GGACT: variants seen among roughly 807,000 people sequenced by gnomAD.
GGACT encodes gamma-glutamylaminecyclotransferase.
For synonymous variants in GGACT, 118 were observed against 115.3 expected (o/e 1.02, Z -0.15); for missense variants, 241 against 233.2 (o/e 1.03, Z -0.22).
At chr13:100,581,047 G>A (rs1211733425) in intron 2 of GGACT, among the ~76,000 whole-genome samples, 5 of 152,330 alleles carry the variant, frequency 3.3e-5, no homozygotes, top group East Asian at 1.9e-4. Flanking sequence ...AGTGATCCAC[G>A]GGGTAAAGGA....
At chr13:100,555,640 C>T (rs966432443) in intron 2 of GGACT, among the ~76,000 whole-genome samples, 6 of 151,130 alleles carry the variant, frequency 4.0e-5, no homozygotes, top group Admixed American at 1.3e-4. Flanking sequence ...AAGACCAGCC[C>T]GGGCAAGAGA....
At chr13:100,561,327 G>A (rs1031736438) in intron 2 of GGACT, among the ~76,000 whole-genome samples, 6 of 152,280 alleles carry the variant, frequency 3.9e-5, no homozygotes, top group Middle Eastern at 3.4e-3. Flanking sequence ...GAACTGTATG[G>A]TATGTGAATT....
chr13:100,543,197 CTTTTTTTTTTTT>C (rs147710327), intron 2 of GGACT, among the ~76,000 whole-genome samples: 98 of 69,900 alleles, frequency 1.4e-3, no homozygotes, highest in African/African-American at 5.3e-3. Flanking sequence ...AAGACACCAG[CTTTTTTTTTTTT>C]TTTTTTTTTT....
At position 100,530,447 on chromosome 13, in the gene GGACT, CCTTT is replaced by C. The variant is rs1366947374; in HGVS notation, c.*1679_*1682del. 2 of 528,042 alleles carry C rather than the reference CCTTT, an allele frequency of 3.8e-6. No homozygotes were observed. Among genetic ancestry groups the C allele is most frequent in the South Asian group, 2.1e-5 (1 of 48,568 alleles). The allele number at this position is 528,042 out of a possible 1,614,324, so 32.7% of individuals were successfully genotyped here. A position where few individuals can be genotyped will look rare whatever the true frequency, so the allele number is the denominator to read the frequency against. ...AGCATTTGTCTAAATATTAGTTTGC[CCTTT>C]CTTTGAATGAAGACAATGTACACAT... On this transcript the variant is annotated 3_prime_UTR_variant, in exon 3 of 3. Coordinates refer to ENST00000683975, the MANE Select transcript of GGACT (RefSeq NM_001195087.2).
chr13:100,531,432 C>A lies in GGACT; in HGVS notation c.*698G>T, dbSNP rs181115546. ...TAAACTTCCACTTGAAGTCCGGGCG[C>A]TCAGCTGTGTCTACCAGCAAGTGGG... On this transcript the variant is annotated 3_prime_UTR_variant, in exon 3 of 3. Transcript: ENST00000683975. 6.6e-5 allele frequency: 10 copies of A among 152,286 alleles called. No homozygotes were observed. In the East Asian group the frequency reaches 1.7e-3, roughly 26 times the overall value. 9.4% of individuals were successfully genotyped at this position (152,286 alleles called of 1,614,324 possible).
intron 2 of GGACT, chr13:100,537,317 C>T (rs1464897155): frequency 1.3e-5 from 2 of 152,318 alleles, no homozygotes; most frequent in East Asian, 3.9e-4. Flanking sequence ...GTACAGGAGA[C>T]TCAAGGGTAT....
intron 2 of GGACT, among the ~76,000 whole-genome samples, chr13:100,553,855 A>AAG (rs2088688904): frequency 1.3e-5 from 2 of 151,610 alleles, no homozygotes; most frequent in South Asian, 4.2e-4. Flanking sequence ...AAAAAAAAAA[A>AAG]AAAAAGGTAG....
At chr13:100,575,655 T>C (rs1372230600) in intron 2 of GGACT, among the ~76,000 whole-genome samples, 1 of 152,088 alleles carries the variant, frequency 6.6e-6, no homozygotes, top group African/African-American at 2.4e-5. Context: ...TCCCAGCTAC[T>C]TGGGAGGCTG....
Position 100,552,793 on chromosome 13 carries a change from T to A in GGACT, c.-10-20192A>T, listed in dbSNP as rs112349560. The stretch of plus-strand genomic sequence containing the variant: ...CATCCAAAGACAGAAAAAGCAACAG[T>A]CCTTGTTCGTAAAAAGCTGCAGCCT... On this transcript the variant is annotated intron_variant, in intron 2 of 2. Coordinates refer to ENST00000683975, the MANE Select transcript of GGACT (RefSeq NM_001195087.2). 1.7e-3 allele frequency among the ~76,000 whole-genome samples: 253 copies of A among 152,192 alleles called. 1 individual carries two copies. The highest frequency in any genetic ancestry group is 5.8e-3 in the African/African-American group (239 of 41,536).
intron 2 of GGACT, among the ~76,000 whole-genome samples, chr13:100,543,868 C>T (rs555659023): frequency 2.1e-3 from 316 of 152,326 alleles, no homozygotes; most frequent in Non-Finnish European, 3.4e-3. Flanking sequence ...CATTAATTTG[C>T]TTTTGTCATT....
intron 2 of GGACT, chr13:100,538,012 CCTTG>C (rs1002430943): frequency 1.3e-5 from 2 of 152,238 alleles, no homozygotes; most frequent in Non-Finnish European, 2.9e-5. Flanking sequence ...ACTTCTGGGA[CCTTG>C]CTTACCGACG....
chr13:100,577,374 C>G (rs1171591555), intron 2 of GGACT, among the ~76,000 whole-genome samples: 1 of 150,126 alleles, frequency 6.7e-6, no homozygotes, highest in East Asian at 2.0e-4. Context: ...CAGGATCACG[C>G]CATTGCACCC....
At chr13:100,582,507 T>C (rs1875449392) in intron 2 of GGACT, among the ~76,000 whole-genome samples, 2 of 152,242 alleles carry the variant, frequency 1.3e-5, no homozygotes, top group Non-Finnish European at 2.9e-5. Flanking sequence ...GAGATCAATC[T>C]GGATTATCCA....
intron 2 of GGACT, among the ~76,000 whole-genome samples, chr13:100,575,306 G>A (rs917121676): frequency 3.9e-5 from 6 of 152,186 alleles, no homozygotes; most frequent in African/African-American, 1.4e-4. Flanking sequence ...CGTAGGGGAG[G>A]AGTGAGAGAT....
At chr13:100,579,303 A>G (rs1458662655) in intron 2 of GGACT, among the ~76,000 whole-genome samples, 1 of 152,182 alleles carries the variant, frequency 6.6e-6, no homozygotes, top group Admixed American at 6.5e-5. Flanking sequence ...AGGCAGGAGT[A>G]CCCACAGCTG....
At chr13:100,547,791 G>A (rs187615260) in intron 2 of GGACT, among the ~76,000 whole-genome samples, 11 of 152,344 alleles carry the variant, frequency 7.2e-5, no homozygotes, top group African/African-American at 1.4e-4. Flanking sequence ...TGAGATGGCC[G>A]TAATCCCTGC....
chr13:100,532,290 C>G lies in GGACT; in HGVS notation c.302G>C (p.Arg101Pro). ...TVLRVQLLED[R>P]APGAEEPPAP... ...TGGCGGCTCCTCTGCGCCCGGGGCCCGGTCCTCCAGCAGCTGTACCCGCAG... is the reference window on the plus strand; with the variant it reads ...TGGCGGCTCCTCTGCGCCCGGGGCCGGGTCCTCCAGCAGCTGTACCCGCAG... The change falls in exon 3 of 3, where the codon CGG (arginine) becomes CCG (proline). Residue 101 changes from arginine (R) to proline (P), a missense_variant. Transcript: ENST00000683975. 2 of 1,539,958 alleles carry G rather than the reference C, an allele frequency of 1.3e-6. No homozygotes were observed. Among genetic ancestry groups the G allele is most frequent in the Non-Finnish European group, 1.8e-6 (2 of 1,138,542 alleles).
chr13:100,539,083 G>C (rs1425121265), intron 2 of GGACT: 1 of 152,198 alleles, frequency 6.6e-6, no homozygotes, highest in East Asian at 1.9e-4. Context: ...CACTGAATTT[G>C]CTTATTAGTT....
Position 100,565,501 on chromosome 13 carries a change from C to T in GGACT, c.-11+18324G>A, listed in dbSNP as rs1426921405. On this transcript the variant is annotated intron_variant, in intron 2 of 2. Coordinates refer to ENST00000683975, the MANE Select transcript of GGACT (RefSeq NM_001195087.2). The stretch of plus-strand genomic sequence containing the variant: ...ACACCAGGTGTTTGAAACGAGGTCG[C>T]TGCCTTGTAGCTTTCACAGCAAAAG... Among the ~76,000 whole-genome samples, 4 of 151,496 alleles carry T rather than the reference C, an allele frequency of 2.6e-5. No individual in the cohort carries two copies. In the Admixed American group the frequency reaches 2.7e-4, roughly 10 times the overall value.
Sources: gnomAD v4.1 joint callset for allele counts (sites outside exome capture counted in the v4.1 genomes callset) on GRCh38, gnomAD v4.1.1 for gene constraint, MANE v1.5 for transcripts, NCBI Gene and HGNC (gene_info 2026-07-23, HGNC 2026-07-21) for gene names.